CNTN4: variants seen among roughly 807,000 people sequenced by gnomAD.
CNTN4 encodes the protein contactin 4.
Under a neutral mutation model 122.5 loss-of-function variants are expected in CNTN4, and 77 were observed. That is an observed-to-expected ratio of 0.63 (90% CI 0.52 to 0.76). The LOEUF (loss-of-function observed/expected upper bound fraction) is 0.76, where lower values mean the gene tolerates loss of function less well. Ranked by LOEUF, CNTN4 falls within the 30% of genes least tolerant of loss-of-function variation. CNTN4 has a pLI of 0.00. For synonymous variants in CNTN4, 512 were observed against 447.0 expected (o/e 1.15, Z -1.83); for missense variants, 1,256 against 1,259.1 (o/e 1.00, Z 0.04).
intron 2 of CNTN4, among the ~76,000 whole-genome samples, chr3:2,284,764 C>T (rs979733296): frequency 3.3e-5 from 5 of 151,268 alleles, no homozygotes; most frequent in African/African-American, 4.9e-5. Flanking sequence ...AAAAAGTTAA[C>T]TTATGAGGTG....
chr3:2,521,616 A>T (rs1328878123), intron 3 of CNTN4, among the ~76,000 whole-genome samples: 5 of 152,132 alleles, frequency 3.3e-5, no homozygotes, highest in Non-Finnish European at 7.3e-5. Context: ...ATAGCAACTA[A>T]GTGCAAAAGA....
chr3:2,659,279 T>A (rs1031366734), intron 4 of CNTN4, among the ~76,000 whole-genome samples: 1 of 151,644 alleles, frequency 6.6e-6, no homozygotes, highest in African/African-American at 2.4e-5. Flanking sequence ...CTGGCCAACA[T>A]GGTAAAACCC....
chr3:2,925,926 T>C (rs2094469345), intron 13 of CNTN4, 147 bp downstream of exon 13: 1 of 705,006 alleles, frequency 1.4e-6, no homozygotes, highest in Admixed American at 2.6e-5. Context: ...GAAGGATGAG[T>C]GGTAAGTTAT....
At chr3:2,979,685 T>A (rs1438158519) in intron 13 of CNTN4, among the ~76,000 whole-genome samples, 1 of 152,164 alleles carries the variant, frequency 6.6e-6, no homozygotes, top group Non-Finnish European at 1.5e-5. Flanking sequence ...TAAAGATGAT[T>A]TAAAATTTAA....
chr3:2,693,867 A>C (rs1037168354), intron 4 of CNTN4, among the ~76,000 whole-genome samples: 1 of 152,074 alleles, frequency 6.6e-6, no homozygotes, highest in African/African-American at 2.4e-5. Flanking sequence ...CCACCTTCCG[A>C]GTTGCTGGGC....
intron 5 of CNTN4, among the ~76,000 whole-genome samples, chr3:2,741,035 C>G (rs1227621200): frequency 6.6e-6 from 1 of 152,172 alleles, no homozygotes; most frequent in African/African-American, 2.4e-5. Flanking sequence ...CTTTGCAGCT[C>G]TACTTTGAAC....
chr3:2,470,124 G>A (rs544911941), intron 3 of CNTN4, among the ~76,000 whole-genome samples: 3 of 151,312 alleles, frequency 2.0e-5, no homozygotes, highest in African/African-American at 7.3e-5. Context: ...GGAGTGCAGT[G>A]GCAGAATCTC....
intron 3 of CNTN4, among the ~76,000 whole-genome samples, chr3:2,414,548 A>C (rs993736604): frequency 3.9e-5 from 6 of 152,152 alleles, no homozygotes; most frequent in South Asian, 2.1e-4. Flanking sequence ...TTTTGTAATT[A>C]TATCACTTGT....
intron 4 of CNTN4, among the ~76,000 whole-genome samples, chr3:2,589,269 A>C (rs1350339861): frequency 6.6e-6 from 1 of 152,182 alleles, no homozygotes; most frequent in Non-Finnish European, 1.5e-5. Context: ...ACCATTCTTA[A>C]AGTCTTGGGG....
At chr3:2,154,808 C>T (rs1385567537) in intron 2 of CNTN4, among the ~76,000 whole-genome samples, 1 of 152,178 alleles carries the variant, frequency 6.6e-6, no homozygotes, top group African/African-American at 2.4e-5. Context: ...ACAAACAATA[C>T]AGAAAAGCCA....
At chr3:2,839,658 G>C (rs1016348603) in intron 7 of CNTN4, among the ~76,000 whole-genome samples, 4 of 152,204 alleles carry the variant, frequency 2.6e-5, no homozygotes, top group African/African-American at 9.7e-5. Context: ...GGGTTGGGAA[G>C]ACCCTGAGGA....
chr3:2,689,923 T>G (rs1052063947), intron 4 of CNTN4, among the ~76,000 whole-genome samples: 4 of 152,176 alleles, frequency 2.6e-5, no homozygotes, highest in African/African-American at 9.6e-5. Context: ...GGTAGGGGCG[T>G]GTGTGTTTGT....
At chr3:2,396,971 G>T (rs1033948530) in intron 3 of CNTN4, among the ~76,000 whole-genome samples, 1 of 152,160 alleles carries the variant, frequency 6.6e-6, no homozygotes, top group African/African-American at 2.4e-5. Flanking sequence ...ATATTTTTGT[G>T]TGTGACGAGA....
At chr3:2,509,615 A>C (rs968132485) in intron 3 of CNTN4, among the ~76,000 whole-genome samples, 1 of 152,154 alleles carries the variant, frequency 6.6e-6, no homozygotes, top group African/African-American at 2.4e-5. Flanking sequence ...GACATCTTTT[A>C]CCCAATCATG....
intron 3 of CNTN4, among the ~76,000 whole-genome samples, chr3:2,363,123 A>G (rs1442960975): frequency 1.3e-5 from 2 of 152,170 alleles, no homozygotes; most frequent in African/African-American, 4.8e-5. Flanking sequence ...TTATGTGGTA[A>G]AATGTCAAAG....
At chr3:2,479,584 G>C (rs898983533) in intron 3 of CNTN4, among the ~76,000 whole-genome samples, 22 of 152,176 alleles carry the variant, frequency 1.4e-4, no homozygotes, top group Admixed American at 1.4e-3. Context: ...CGGGAAGATT[G>C]TAACCCCATA....
chr3:2,622,738 A>T (rs964754263), intron 4 of CNTN4, among the ~76,000 whole-genome samples: 20 of 152,216 alleles, frequency 1.3e-4, no homozygotes. Context: ...GCAACCATGT[A>T]AGGATGTGTG....
At chr3:2,982,360 C>G (rs1042413993) in intron 13 of CNTN4, among the ~76,000 whole-genome samples, 3 of 152,162 alleles carry the variant, frequency 2.0e-5, no homozygotes, top group Admixed American at 2.0e-4. Context: ...TTCCTGTTGT[C>G]AGGGCTGAAA....
intron 2 of CNTN4, among the ~76,000 whole-genome samples, chr3:2,221,231 G>A (rs898860553): frequency 6.6e-6 from 1 of 152,074 alleles, no homozygotes; most frequent in African/African-American, 2.4e-5. Flanking sequence ...TGTGGAGATG[G>A]AAATTTAATG....
Sources: gnomAD v4.1 joint callset for allele counts (sites outside exome capture counted in the v4.1 genomes callset) on GRCh38, gnomAD v4.1.1 for gene constraint, MANE v1.5 for transcripts, NCBI Gene and HGNC (gene_info 2026-07-23, HGNC 2026-07-21) for gene names.